The following WASF3 variants were observed in gnomAD, a reference collection of about 807,000 sequenced individuals.
The protein encoded by WASF3 is WASP family member 3, also known as actin-binding protein WASF3.
A neutral mutation model predicts 46.6 loss-of-function variants in WASF3; 11 were observed. The observed-to-expected ratio is 0.24, with a 90% CI of 0.15 to 0.39. WASF3 has a LOEUF of 0.39. WASF3 is among the 10% of genes least tolerant of loss of function. The probability of loss-of-function intolerance (pLI) is 1.00; values close to 1 mark genes in which losing one functional copy is unlikely to be tolerated. For missense variants in WASF3, 576 were observed against 669.8 expected (o/e 0.86, Z 1.55); for synonymous variants, 242 against 259.7 (o/e 0.93, Z 0.65).
intron 1 of WASF3, among the ~76,000 whole-genome samples, chr13:26,580,223 A>G (rs1879936094): frequency 6.6e-6 from 1 of 152,178 alleles, no homozygotes; most frequent in Non-Finnish European, 1.5e-5. Flanking sequence ...ATTATCTTTC[A>G]TTAAAAAAAT....
intron 1 of WASF3, among the ~76,000 whole-genome samples, chr13:26,563,346 T>A (rs1462866866): frequency 6.6e-6 from 1 of 151,906 alleles, no homozygotes; most frequent in African/African-American, 2.4e-5. Flanking sequence ...CCCGATGTCA[T>A]AGATGTTTAT....
intron 1 of WASF3, among the ~76,000 whole-genome samples, chr13:26,565,021 A>C (rs1404815892): frequency 2.1e-5 from 3 of 141,024 alleles, no homozygotes; most frequent in African/African-American, 8.0e-5. Flanking sequence ...AGTCTATCCT[A>C]ATGTTAGAAT....
At chr13:26,548,544 A>G in the WASF3 span, among the ~76,000 whole-genome samples, 1 of 152,218 alleles carries the variant, frequency 6.6e-6, no homozygotes, top group African/African-American at 2.4e-5. Flanking sequence ...CAAAGTACAC[A>G]GAAGCTCTGC....
At chr13:26,664,023 A>G (rs1882703881) in intron 3 of WASF3, among the ~76,000 whole-genome samples, 1 of 152,210 alleles carries the variant, frequency 6.6e-6, no homozygotes, top group East Asian at 1.9e-4. Flanking sequence ...TGCAGGAGGC[A>G]TCACACAGGG....
In WASF3 at chr13:26,665,069, G is replaced by GCTA. The variant is rs780070377; in HGVS notation, c.176_178dup (p.Ala59_Asn60insThr). On this transcript the variant is annotated inframe_insertion, in exon 4 of 10. Transcript: ENST00000335327. ...CATATTTGGTGAGTTGTTTAATGAG[G>GCTA]CTAACAACTTCTACATCAGAGCAAA... 6.2e-7 allele frequency: 1 copy of GCTA among 1,614,074 alleles called. No homozygotes were observed. Among genetic ancestry groups the GCTA allele is most frequent in the Non-Finnish European group, 8.5e-7 (1 of 1,179,940 alleles).
intron 5 of WASF3, among the ~76,000 whole-genome samples, chr13:26,671,603 A>G (rs892871075): frequency 6.7e-6 from 1 of 150,250 alleles, no homozygotes; most frequent in African/African-American, 2.4e-5. Flanking sequence ...TCATGTTGTG[A>G]TTTTTTTTTT....
chr13:26,614,343 A>G (rs538431394), intron 2 of WASF3, among the ~76,000 whole-genome samples: 1 of 152,354 alleles, frequency 6.6e-6, no homozygotes, highest in Non-Finnish European at 1.5e-5. Flanking sequence ...TAATTAAGCT[A>G]GAAATCAGTA....
chr13:26,560,978 C>T (rs1295827038), intron 1 of WASF3, among the ~76,000 whole-genome samples: 8 of 152,122 alleles, frequency 5.3e-5, no homozygotes, highest in East Asian at 1.9e-4. Context: ...AGGAATTGGT[C>T]GAAGTCTGGG....
chr13:26,682,124 T>A lies in WASF3; in HGVS notation c.984-483T>A, dbSNP rs753769962. Among the ~76,000 whole-genome samples the A allele has an allele frequency of 2.6e-5, 4 of 152,166 alleles. No individual in the cohort carries two copies. The highest frequency in any genetic ancestry group is 4.4e-5 in the Non-Finnish European group (3 of 68,028). ...CCTCGGCTGAATAGAATTCAGCAGATTTCTTGGCTGTGTGACTTTTCGAAG... is the reference window on the plus strand; with the variant it reads ...CCTCGGCTGAATAGAATTCAGCAGAATTCTTGGCTGTGTGACTTTTCGAAG... On this transcript the variant is annotated intron_variant, in intron 8 of 9. Coordinates refer to ENST00000335327, the MANE Select transcript of WASF3 (RefSeq NM_006646.6). The surrounding 1 kb of genome is among the most constrained non-coding windows in gnomAD (Gnocchi z 4.4).
chr13:26,626,650 A>G (rs1881472218), intron 2 of WASF3, among the ~76,000 whole-genome samples: 1 of 152,250 alleles, frequency 6.6e-6, no homozygotes, highest in Admixed American at 6.5e-5. Context: ...ATTCTCTTTA[A>G]ATACATAGAA....
intron 7 of WASF3, among the ~76,000 whole-genome samples, 163 bp from the exon 8 acceptor site, chr13:26,680,891 G>T (rs1277677194): frequency 6.6e-6 from 1 of 152,144 alleles, no homozygotes; most frequent in Non-Finnish European, 1.5e-5. Flanking sequence ...TTATGTTGTT[G>T]CTTGGAATCT....
chr13:26,627,971 A>G (rs935000569), intron 2 of WASF3, among the ~76,000 whole-genome samples: 7 of 152,104 alleles, frequency 4.6e-5, no homozygotes, highest in African/African-American at 1.2e-4. Context: ...CGAATCAGCA[A>G]TCTTCCCTAG....
At chr13:26,576,890 C>T in intron 1 of WASF3, 1 of 740,246 alleles carries the variant, frequency 1.4e-6, no homozygotes, top group Non-Finnish European at 2.3e-6. Flanking sequence ...AGCACCATGG[C>T]TGTTGGCAAG....
chr13:26,646,371 T>A (rs2137420918), intron 3 of WASF3, among the ~76,000 whole-genome samples: 1 of 152,372 alleles, frequency 6.6e-6, no homozygotes, highest in Non-Finnish European at 1.5e-5. Flanking sequence ...CCTATAGTAT[T>A]AAAAGTCTTC....
chr13:26,665,703 A>AC (rs1882750607), intron 4 of WASF3, among the ~76,000 whole-genome samples: 1 of 152,244 alleles, frequency 6.6e-6, no homozygotes, highest in African/African-American at 2.4e-5. Flanking sequence ...CAAGCATTGT[A>AC]TAGTTAACTG....
At chr13:26,567,569 C>T (rs1384744240) in intron 1 of WASF3, among the ~76,000 whole-genome samples, 1 of 152,154 alleles carries the variant, frequency 6.6e-6, no homozygotes, top group Non-Finnish European at 1.5e-5. Context: ...GGCTAACTTA[C>T]ACAGTACGAC....
intron 1 of WASF3, among the ~76,000 whole-genome samples, chr13:26,568,811 C>T (rs1879548909): frequency 6.6e-6 from 1 of 152,162 alleles, no homozygotes; most frequent in African/African-American, 2.4e-5. Flanking sequence ...AGAAAAGTCT[C>T]AGTAAATTGT....
intron 1 of WASF3, among the ~76,000 whole-genome samples, chr13:26,559,935 A>C (rs1879244043): frequency 6.8e-6 from 1 of 148,142 alleles, no homozygotes. Flanking sequence ...CTCCTGCCTC[A>C]GACTCCCGAG....
At position 26,563,610 on chromosome 13, in the gene WASF3, G is replaced by A. The variant is rs1220971847; in HGVS notation, c.-109+5791G>A. Among the ~76,000 whole-genome samples, 17 of 130,520 alleles carry A rather than the reference G, an allele frequency of 1.3e-4. 1 individual carries two copies. In the South Asian group the frequency reaches 3.5e-3, roughly 27 times the overall value. The allele number at this position is 130,520 out of a possible 152,430, so 85.6% of individuals were successfully genotyped here. On this transcript the variant is annotated intron_variant, in intron 1 of 9. Coordinates refer to ENST00000335327, the MANE Select transcript of WASF3 (RefSeq NM_006646.6). ...GCAGAGGTTGCAGTGAGCTGAGATCGTGCCACTGTACTCCAGCCTGGGCAA... is the reference window on the plus strand; with the variant it reads ...GCAGAGGTTGCAGTGAGCTGAGATCATGCCACTGTACTCCAGCCTGGGCAA...
Sources: gnomAD v4.1 joint callset for allele counts (sites outside exome capture counted in the v4.1 genomes callset) on GRCh38, gnomAD v4.1.1 for gene constraint, Gnocchi (gnomAD v3.1) non-coding constraint, MANE v1.5 for transcripts, NCBI Gene and HGNC (gene_info 2026-07-23, HGNC 2026-07-21) for gene names.